NLRP8: variants seen among roughly 807,000 people sequenced by gnomAD.
NLRP8 encodes NLR family pyrin domain containing 8, also known as NACHT, LRR and PYD domains-containing protein 8.
Under a neutral mutation model 88.7 loss-of-function variants are expected in NLRP8, and 86 were observed. That is an observed-to-expected ratio of 0.97 (90% CI 0.81 to 1.16). The LOEUF (loss-of-function observed/expected upper bound fraction) is 1.16, where lower values mean the gene tolerates loss of function less well. Among genes scored for constraint, NLRP8 ranks in the 50% most tolerant of loss-of-function variants. NLRP8 has a pLI of 0.00. For synonymous variants in NLRP8, 504 were observed against 494.6 expected, an observed-to-expected ratio of 1.02 and a Z score of -0.25; for missense variants, 1,342 against 1,286.5, an observed-to-expected ratio of 1.04 and a Z score of -0.66.
At chr19:55,977,171 GATACATAT>G (rs1178729497) in intron 8 of NLRP8, among the ~76,000 whole-genome samples, 2 of 142,252 alleles carry the variant, frequency 1.4e-5, no homozygotes, top group Non-Finnish European at 3.0e-5. Flanking sequence ...AGATACATAA[GATACATAT>G]ATACATATAT....
intron 1 of NLRP8, among the ~76,000 whole-genome samples, chr19:55,950,175 C>G (rs1322927250): frequency 6.6e-6 from 1 of 150,944 alleles, no homozygotes; most frequent in East Asian, 1.9e-4. Context: ...CTTTGGGAGG[C>G]AGAGGTGGGT....
At chr19:55,983,984 A>G (rs1421093323) in intron 9 of NLRP8, among the ~76,000 whole-genome samples, 10 of 152,190 alleles carry the variant, frequency 6.6e-5, no homozygotes, top group Non-Finnish European at 1.0e-4. Context: ...ATATTTCACT[A>G]TTTGTGAAAA....
At chr19:55,962,343 C>T (rs890878348) in intron 4 of NLRP8, 106 bp downstream of exon 4, 1 of 1,219,758 alleles carries the variant, frequency 8.2e-7, no homozygotes, top group Non-Finnish European at 1.1e-6. Context: ...CGGAAAGCAC[C>T]CATGTCCAGC....
chr19:55,973,895 T>C (rs566283474), intron 7 of NLRP8, 73 bp downstream of exon 7: 168 of 1,420,840 alleles, frequency 1.2e-4, no homozygotes, highest in Middle Eastern at 4.9e-4. Context: ...CTGTTATATA[T>C]TCATTTATGT....
chr19:55,980,284 C>T (rs1304400846), intron 9 of NLRP8, among the ~76,000 whole-genome samples: 5 of 152,142 alleles, frequency 3.3e-5, no homozygotes, highest in East Asian at 3.9e-4. Context: ...GTCGCACATA[C>T]GGCACTTAAC....
chr19:55,965,508 T>C (rs908957452), intron 4 of NLRP8, among the ~76,000 whole-genome samples: 16 of 151,984 alleles, frequency 1.1e-4, no homozygotes, highest in Admixed American at 9.8e-4. Flanking sequence ...AAATAAAAAT[T>C]TTAAAACCAA....
intron 5 of NLRP8, among the ~76,000 whole-genome samples, 167 bp downstream of exon 5, chr19:55,966,547 A>G (rs1021989825): frequency 1.3e-5 from 2 of 152,132 alleles, no homozygotes; most frequent in Non-Finnish European, 2.9e-5. Flanking sequence ...TCACGACTGT[A>G]ATCCCAGCAC....
rs139646181 is a variant in NLRP8 at position 55,948,094 on chromosome 19, C to T, written c.192C>T (p.Leu64=). 2.5e-6 allele frequency: 4 copies of T among 1,614,020 alleles called. No homozygotes were observed. Among genetic ancestry groups the T allele is most frequent in the Non-Finnish European group, 3.4e-6 (4 of 1,180,038 alleles). Residue 64 remains leucine, a synonymous_variant, in exon 1 of 10, where the codon CTC becomes CTT. Transcript: ENST00000291971. ...TCAAGCAGCTCTTACTGACTGAGCT[C>T]AGTACTGGCACCATGCCCATCACCT...
In NLRP8 at chr19:55,973,663, G is replaced by A. The variant is rs1555756988; in HGVS notation, c.2546G>A (p.Cys849Tyr). 3.1e-6 allele frequency: 5 copies of A among 1,609,552 alleles called. No homozygotes were observed. Among genetic ancestry groups the A allele is most frequent in the Admixed American group, 1.7e-5 (1 of 59,724 alleles). The change falls in exon 7 of 10, where the codon TGC (cysteine) becomes TAC (tyrosine). Residue 849 changes from cysteine (C) to tyrosine (Y), a missense_variant. Cys to Tyr is a radical substitution (Grantham distance 194, BLOSUM62 -2). Coordinates refer to ENST00000291971, the MANE Select transcript of NLRP8 (RefSeq NM_176811.2). ...CTTCTCTCCCATAGGATAGAGAACT[G>A]CAACCTTACACAGCTTACTTGTGAA...
At chr19:55,962,035 G>A (rs561835701) in intron 3 of NLRP8, 32 bp from the exon 4 acceptor site, 1 of 1,603,296 alleles carries the variant, frequency 6.2e-7, no homozygotes, top group Non-Finnish European at 8.5e-7. Flanking sequence ...GTTTAACGAA[G>A]AGGTGTTTTC....
chr19:55,977,391 TAC>T, intron 8 of NLRP8, among the ~76,000 whole-genome samples: 1 of 141,552 alleles, frequency 7.1e-6, no homozygotes, highest in African/African-American at 2.6e-5. Flanking sequence ...ATAAAATAAA[TAC>T]GAATATATTA....
intron 3 of NLRP8, 67 bp from the exon 4 acceptor site, chr19:55,962,000 G>A: frequency 1.3e-6 from 2 of 1,545,104 alleles, no homozygotes; most frequent in African/African-American, 2.7e-5. Context: ...CACCAGCCCT[G>A]GGGTTTCCTA....
In NLRP8 at chr19:55,962,085, G is replaced by T. The variant is rs1453911437; in HGVS notation, c.2061G>T (p.Gly687=). The T allele has an allele frequency of 6.2e-7, 1 of 1,614,016 alleles. No individual in the cohort carries two copies. Among genetic ancestry groups the T allele is most frequent in the African/African-American group, 1.3e-5 (1 of 74,910 alleles). Residue 687 remains glycine (G), a synonymous_variant, in exon 4 of 10, where the codon GGG becomes GGT. Coordinates refer to ENST00000291971, the MANE Select transcript of NLRP8 (RefSeq NM_176811.2). The stretch of plus-strand genomic sequence containing the variant: ...CATGTAGAGCGCCAGAGAGCAATGG[G>T]CTGCATCGTTGGTGGCAAGACTTAT...
chr19:55,955,964 A>C lies in NLRP8; in HGVS notation c.1906A>C (p.Ile636Leu). The change falls in exon 3 of 10, where the codon ATT becomes CTT. Residue 636 changes from isoleucine to leucine, a missense_variant. Transcript: ENST00000291971. ...TGATTATCATAAAGTTGTCTTGAGA[A>C]TTGGCAACAACAAAGAAGTTCAAGT... The C allele has an allele frequency of 1.2e-6, 2 of 1,614,160 alleles. No homozygotes were observed. Among genetic ancestry groups the C allele is most frequent in the Non-Finnish European group, 1.7e-6 (2 of 1,180,026 alleles).
chr19:55,949,835 T>C lies in NLRP8; in HGVS notation c.367+1566T>C, dbSNP rs891427774. On this transcript the variant is annotated intron_variant, in intron 1 of 9. Transcript: ENST00000291971. ...CCTTAGCCACTGGCACCCCAACAGC[T>C]GGCTCAGCACCTAGCATGTCATAGG... Among the ~76,000 whole-genome samples the C allele has an allele frequency of 5.3e-5, 8 of 152,292 alleles. No individual in the cohort carries two copies. In the East Asian group the frequency reaches 1.5e-3, roughly 29 times the overall value.
rs774185706 is a variant in NLRP8 at position 55,955,566 on chromosome 19, A to G, written c.1508A>G (p.Tyr503Cys). The G allele has an allele frequency of 6.2e-7, 1 of 1,614,076 alleles. No homozygotes were observed. Among genetic ancestry groups the G allele is most frequent in the Non-Finnish European group, 8.5e-7 (1 of 1,180,016 alleles). ...AGAATTGCAGGTGAGGAAGACCACTATGTCTTTACCCTCGTGACTTTTCAG... is the reference window on the plus strand; with the variant it reads ...AGAATTGCAGGTGAGGAAGACCACTGTGTCTTTACCCTCGTGACTTTTCAG... The change falls in exon 3 of 10, where the codon TAT (tyrosine) becomes TGT (cysteine). Residue 503 changes from tyrosine (Y) to cysteine (C), a missense_variant. By Grantham distance (194) the Tyr-to-Cys change is radical. Coordinates refer to ENST00000291971, the MANE Select transcript of NLRP8 (RefSeq NM_176811.2).
chr19:55,978,538 G>T (rs1415786482), intron 8 of NLRP8, among the ~76,000 whole-genome samples: 1 of 152,060 alleles, frequency 6.6e-6, no homozygotes, highest in African/African-American at 2.4e-5. Context: ...TACTGGCTCA[G>T]ATCTCTTTCC....
intron 9 of NLRP8, among the ~76,000 whole-genome samples, chr19:55,983,778 A>G (rs1218715395): frequency 7.5e-6 from 1 of 132,968 alleles, no homozygotes; most frequent in Non-Finnish European, 1.6e-5. Context: ...CAAAGTTGGC[A>G]GGAACTATTT....
At chr19:55,974,608 C>A (rs938149961) in intron 7 of NLRP8, among the ~76,000 whole-genome samples, 5 of 151,500 alleles carry the variant, frequency 3.3e-5, no homozygotes, top group Non-Finnish European at 7.4e-5. Flanking sequence ...CAGTGGCGGG[C>A]GCCTGTAGTC....
Sources: gnomAD v4.1 joint callset for allele counts (sites outside exome capture counted in the v4.1 genomes callset) on GRCh38, gnomAD v4.1.1 for gene constraint, MANE v1.5 for transcripts, NCBI Gene and HGNC (gene_info 2026-07-23, HGNC 2026-07-21) for gene names.